Variants in TSC22D3 observed in about 807,000 individuals in gnomAD.
TSC22D3 encodes the protein TSC22 domain family protein 3.
In TSC22D3, 4 loss-of-function variants were observed where a neutral mutation model predicts 11.1. The ratio of observed to expected loss-of-function variants is 0.36; its 90% CI spans 0.18 to 0.83. TSC22D3 has a LOEUF of 0.83. Among genes scored for constraint, TSC22D3 ranks in the 40% least tolerant of loss-of-function variants. TSC22D3 has a pLI of 0.48. For synonymous variants in TSC22D3, 77 were observed against 70.3 expected (o/e 1.10, Z -0.48); for missense variants, 118 against 159.4 (o/e 0.74, Z 1.40).
At chrX:107,753,424 G>A (rs1171065973) in intron 1 of TSC22D3, among the ~76,000 whole-genome samples, 3 of 111,230 alleles carry the variant, frequency 2.7e-5, no homozygotes, top group African/African-American at 9.8e-5. Flanking sequence ...AGAGGCTGCC[G>A]TGCCCCTTCC....
chrX:107,733,279 T>G lies in TSC22D3; in HGVS notation c.321-17329A>C, dbSNP rs756551605. Among the ~76,000 whole-genome samples, 7 of 111,844 alleles carry G rather than the reference T, an allele frequency of 6.3e-5. No homozygotes were observed. In the South Asian group the frequency reaches 2.2e-3, roughly 36 times the overall value. ...GCATGCACAAGTGCACAGGCATGCATAACATAGAGAGAGAGCATGCGCACT... is the reference window on the plus strand; with the variant it reads ...GCATGCACAAGTGCACAGGCATGCAGAACATAGAGAGAGAGCATGCGCACT... On this transcript the variant is annotated intron_variant, in intron 1 of 2. Transcript: ENST00000372383.
chrX:107,749,178 T>TACACACACACAC (rs61681572), intron 1 of TSC22D3, among the ~76,000 whole-genome samples: 3 of 87,358 alleles, frequency 3.4e-5, no homozygotes, highest in African/African-American at 1.3e-4. Context: ...CTACTAAAAA[T>TACACACACACAC]ACACACACAC....
chrX:107,726,601 A>G lies in TSC22D3; in HGVS notation c.321-10651T>C, dbSNP rs73636310. Among the ~76,000 whole-genome samples the G allele has an allele frequency of 6.0e-3, 674 of 112,682 alleles. 4 individuals carry two copies. The highest frequency in any genetic ancestry group is 0.021 in the African/African-American group (644 of 31,074). ...CAGCAAGATTGCAAAAATAAAGCAC[A>G]TAAATGGAAAATTCTAAGTATTGGC... is the stretch of plus-strand genomic sequence containing the variant. On this transcript the variant is annotated intron_variant, in intron 1 of 2. Transcript: ENST00000372383.
At chrX:107,738,881 C>A (rs905186377) in intron 1 of TSC22D3, among the ~76,000 whole-genome samples, 1 of 110,027 alleles carries the variant, frequency 9.1e-6, no homozygotes, top group African/African-American at 3.3e-5. Context: ...GTGGCATTGT[C>A]AGAGCCGGAT....
At chrX:107,742,281 AAGAGAGAGAGAGAGAGAGAG>A (rs764889060) in intron 1 of TSC22D3, among the ~76,000 whole-genome samples, 1 of 56,813 alleles carries the variant, frequency 1.8e-5, no homozygotes, top group African/African-American at 7.9e-5. Context: ...GAGAGAGAGA[AAGAGAGAGAGAGAGAGAGAG>A]AGAGAGAGAG....
rs781386272 is a variant in TSC22D3 at position 107,734,878 on chromosome X, TAAAAAAA to T, written c.321-18935_321-18929del. ...TTTATCTATTGTTCACAACTCTACG[TAAAAAAA>T]AAAAAAAAAAAAAAAAAAAAAATTG... On this transcript the variant is annotated intron_variant, in intron 1 of 2. Transcript: ENST00000372383. Among the ~76,000 whole-genome samples the T allele has an allele frequency of 4.2e-3, 156 of 37,280 alleles. 1 individual carries two copies. Among genetic ancestry groups the T allele is most frequent in the Middle Eastern group, 0.027 (1 of 37 alleles). 32.4% of individuals were successfully genotyped at this position (37,280 alleles called of 115,157 possible).
chrX:107,765,334 G>C (rs1296935029), intron 1 of TSC22D3, among the ~76,000 whole-genome samples: 2 of 111,976 alleles, frequency 1.8e-5, no homozygotes, highest in Non-Finnish European at 3.8e-5. Context: ...GCTGGACCAG[G>C]TTTGCAAAGG....
intron 1 of TSC22D3, among the ~76,000 whole-genome samples, chrX:107,756,222 C>G (rs765723651): frequency 1.8e-5 from 2 of 112,100 alleles, no homozygotes; most frequent in African/African-American, 3.2e-5. Context: ...CTACCACTAT[C>G]AAGATTTTTT....
chrX:107,737,008 A>C (rs2147749844), intron 1 of TSC22D3, among the ~76,000 whole-genome samples: 1 of 111,997 alleles, frequency 8.9e-6, no homozygotes, highest in East Asian at 2.8e-4. Flanking sequence ...CAATGGAAAA[A>C]TCTTGGAAAA....
intron 1 of TSC22D3, among the ~76,000 whole-genome samples, chrX:107,752,774 A>G (rs1014567593): frequency 1.8e-5 from 2 of 111,728 alleles, no homozygotes; most frequent in East Asian, 5.6e-4. Context: ...CTGGAGCCTA[A>G]TGAGGTTGCC....
intron 1 of TSC22D3, among the ~76,000 whole-genome samples, chrX:107,767,269 G>T (rs1602419935): frequency 9.0e-6 from 1 of 111,711 alleles, no homozygotes; most frequent in Non-Finnish European, 1.9e-5. Context: ...CTGTCCATAG[G>T]CAGGGGCCCG....
chrX:107,749,370 G>A (rs1171804516), intron 1 of TSC22D3, among the ~76,000 whole-genome samples: 1 of 110,441 alleles, frequency 9.1e-6, no homozygotes, highest in Non-Finnish European at 1.9e-5. Flanking sequence ...GCGAGACTCT[G>A]TCTCAAAAAA....
intron 1 of TSC22D3, among the ~76,000 whole-genome samples, chrX:107,726,020 C>T (rs1927603959): frequency 9.0e-6 from 1 of 111,423 alleles, no homozygotes; most frequent in East Asian, 2.8e-4. Context: ...TCATTCCCCC[C>T]TCAAAAACCT....
rs1926830430 is a variant in TSC22D3, at chrX:107,713,335, T to C, written c.*1184A>G. On this transcript the variant is annotated 3_prime_UTR_variant, in exon 3 of 3. Coordinates refer to ENST00000372383, the MANE Select transcript of TSC22D3 (RefSeq NM_198057.3). ...ATAAGGTGTCAAAAAGTGGAAAGTGTTCACTCTCACAAAACCCGCTACAGA... is the reference window on the plus strand; with the variant it reads ...ATAAGGTGTCAAAAAGTGGAAAGTGCTCACTCTCACAAAACCCGCTACAGA... 8.9e-6 allele frequency: 1 copy of C among 111,870 alleles called. No homozygotes were observed. Among genetic ancestry groups the C allele is most frequent in the Non-Finnish European group, 1.9e-5 (1 of 53,123 alleles). The allele number at this position is 111,870 out of a possible 1,213,427, so 9.2% of individuals were successfully genotyped here. A position where few individuals can be genotyped will look rare whatever the true frequency, so the allele number is the denominator to read the frequency against.
At chrX:107,752,866 A>T (rs1308094121) in intron 1 of TSC22D3, among the ~76,000 whole-genome samples, 1 of 112,065 alleles carries the variant, frequency 8.9e-6, no homozygotes, top group Non-Finnish European at 1.9e-5. Context: ...GAGATCCCAT[A>T]GCCAAGATAC....
chrX:107,743,917 G>A (rs1300851468), intron 1 of TSC22D3, among the ~76,000 whole-genome samples: 2 of 111,795 alleles, frequency 1.8e-5, no homozygotes, highest in East Asian at 5.6e-4. Context: ...CAGTCCAGAT[G>A]TAGTAATACT....
chrX:107,771,579 C>T (rs755380256), intron 1 of TSC22D3, among the ~76,000 whole-genome samples: 1 of 111,501 alleles, frequency 9.0e-6, no homozygotes, highest in Admixed American at 9.5e-5. Context: ...AACAAGACTC[C>T]GTCTCAAAAT....
intron 1 of TSC22D3, among the ~76,000 whole-genome samples, chrX:107,734,745 CA>C (rs1211782018): frequency 1.8e-5 from 2 of 110,135 alleles, no homozygotes; most frequent in South Asian, 3.9e-4. Context: ...TAAATTGTCA[CA>C]TTTTTTTTTA....
intron 1 of TSC22D3, among the ~76,000 whole-genome samples, chrX:107,722,944 G>A (rs953094380): frequency 8.9e-6 from 1 of 111,800 alleles, no homozygotes; most frequent in South Asian, 3.8e-4. Context: ...ATCCAAAATT[G>A]TGCTTCCTTC....
Sources: allele counts gnomAD v4.1 joint callset (sites outside exome capture counted in the v4.1 genomes callset), GRCh38; gene constraint gnomAD v4.1.1; transcripts MANE v1.5; gene names NCBI Gene and HGNC (gene_info 2026-07-23, HGNC 2026-07-21).